Variants in KALRN observed in about 807,000 individuals in gnomAD.
KALRN encodes the protein kalirin RhoGEF kinase, also known as kalirin.
A neutral mutation model predicts 353.7 loss-of-function variants in KALRN; 70 were observed. That is an observed-to-expected ratio of 0.20 (90% CI 0.16 to 0.24). The LOEUF (loss-of-function observed/expected upper bound fraction) is 0.24, where lower values mean the gene tolerates loss of function less well. KALRN is among the 10% of genes least tolerant of loss of function. KALRN has a pLI of 1.00. For synonymous variants in KALRN, 1,391 were observed against 1,434.8 expected (o/e 0.97, Z 0.69); for missense variants, 2,791 against 3,756.7 (o/e 0.74, Z 6.72).
intron 49 of KALRN, among the ~76,000 whole-genome samples, chr3:124,676,328 A>T (rs551494382): frequency 2.0e-5 from 3 of 152,236 alleles, no homozygotes; most frequent in African/African-American, 7.2e-5. Context: ...GTGGACTGAA[A>T]AAGGTTGTCA....
At chr3:124,110,935 T>A (rs112705964) in intron 1 of KALRN, among the ~76,000 whole-genome samples, 3 of 152,216 alleles carry the variant, frequency 2.0e-5, no homozygotes, top group Non-Finnish European at 2.9e-5. Context: ...TTAGTTTTGC[T>A]ACTAAACTAA....
At chr3:124,569,924 A>G (rs1449026507) in intron 34 of KALRN, among the ~76,000 whole-genome samples, 2 of 152,224 alleles carry the variant, frequency 1.3e-5, no homozygotes, top group African/African-American at 2.4e-5. Flanking sequence ...AATGACTCCA[A>G]GGAGCACTCT....
chr3:124,496,466 A>C, intron 33 of KALRN, 53 bp downstream of exon 33: 1 of 1,290,240 alleles, frequency 7.8e-7, no homozygotes, highest in Non-Finnish European at 1.1e-6. Flanking sequence ...TGGCTCAACC[A>C]CCCCTGGAGA....
intron 1 of KALRN, among the ~76,000 whole-genome samples, chr3:124,061,672 AATCCCC>A (rs1353312417): frequency 6.6e-6 from 1 of 152,218 alleles, no homozygotes; most frequent in African/African-American, 2.4e-5. Flanking sequence ...CATCATTTTA[AATCCCC>A]AATTTTCATC....
chr3:124,678,579 T>C, intron 50 of KALRN: 1 of 238,152 alleles, frequency 4.2e-6, no homozygotes, highest in East Asian at 8.9e-5. Context: ...AGCAAAATTA[T>C]CTGCAGCATT....
At chr3:124,111,692 G>A (rs577741297) in intron 1 of KALRN, among the ~76,000 whole-genome samples, 3 of 152,234 alleles carry the variant, frequency 2.0e-5, no homozygotes, top group Admixed American at 6.5e-5. Context: ...ATACAGAAAG[G>A]ATTCATAAAT....
intron 57 of KALRN, among the ~76,000 whole-genome samples, chr3:124,702,707 A>C (rs1371768392): frequency 2.0e-5 from 3 of 152,076 alleles, no homozygotes; most frequent in African/African-American, 7.2e-5. Context: ...ATACATCTCT[A>C]TATTGCCCGT....
chr3:124,692,273 G>A (rs2061853550), intron 51 of KALRN, among the ~76,000 whole-genome samples: 1 of 152,244 alleles, frequency 6.6e-6, no homozygotes, highest in African/African-American at 2.4e-5. Context: ...GCATTGCAAT[G>A]GCCAGAGTTG....
At chr3:124,152,344 A>T in intron 1 of KALRN, 1 of 1,226,122 alleles carries the variant, frequency 8.2e-7, no homozygotes, top group South Asian at 1.2e-5. Context: ...TCCATTGAAG[A>T]TTTGACGAAG....
intron 37 of KALRN, among the ~76,000 whole-genome samples, chr3:124,642,806 G>GTTTTTTTTTTTTT (rs71145471): frequency 1.0e-5 from 1 of 96,836 alleles, no homozygotes. Flanking sequence ...CCCAAGCCTC[G>GTTTTTTTTTTTTT]TTTTTTTTTT....
chr3:124,448,276 C>T (rs758211266), intron 21 of KALRN, among the ~76,000 whole-genome samples: 2 of 152,056 alleles, frequency 1.3e-5, no homozygotes, highest in East Asian at 1.9e-4. Context: ...AATTTGATTG[C>T]ATGCCTTTGG....
intron 27 of KALRN, among the ~76,000 whole-genome samples, chr3:124,480,325 T>C (rs2061858772): frequency 6.6e-6 from 1 of 152,168 alleles, no homozygotes; most frequent in South Asian, 2.1e-4. Flanking sequence ...ATTGCTACTT[T>C]CTGGGATAGA....
intron 1 of KALRN, among the ~76,000 whole-genome samples, chr3:124,051,341 G>A (rs762245817): frequency 6.6e-6 from 1 of 152,216 alleles, no homozygotes; most frequent in African/African-American, 2.4e-5. Context: ...TAATGGTTGA[G>A]CTAGGGGCCT....
At chr3:124,159,297 G>T (rs1381491708) in intron 1 of KALRN, among the ~76,000 whole-genome samples, 2 of 152,092 alleles carry the variant, frequency 1.3e-5, no homozygotes, top group East Asian at 3.9e-4. Flanking sequence ...TTGAGACAGG[G>T]TCTTAGTTTG....
intron 14 of KALRN, among the ~76,000 whole-genome samples, chr3:124,418,736 C>G (rs1233388398): frequency 6.6e-6 from 1 of 152,164 alleles, no homozygotes; most frequent in Non-Finnish European, 1.5e-5. Context: ...GCTTTTAGCC[C>G]TAAAGAAACA....
chr3:124,713,073 C>G lies in KALRN; in HGVS notation c.8214C>G (p.Pro2738=), dbSNP rs2062968363. Residue 2738 remains proline, a synonymous_variant, in exon 58 of 60, where the codon CCC becomes CCG. Transcript: ENST00000682506. Reference sequence around the variant, plus strand: ...CCCTGCTTCAGCACCTACAGCACCCCCAGTACATCACTCTCCATGACACCT... The same window carrying G: ...CCCTGCTTCAGCACCTACAGCACCCGCAGTACATCACTCTCCATGACACCT... ...EAALLQHLQH[P]QYITLHDTYE... The G allele has an allele frequency of 6.2e-7, 1 of 1,614,138 alleles. No homozygotes were observed. The highest frequency in any genetic ancestry group is 1.1e-5 in the South Asian group (1 of 91,084).
chr3:124,331,254 A>G (rs931063087), intron 8 of KALRN, among the ~76,000 whole-genome samples: 6 of 152,226 alleles, frequency 3.9e-5, no homozygotes, highest in Non-Finnish European at 8.8e-5. Flanking sequence ...GTATAAATAC[A>G]CCATGGAATA....
intron 33 of KALRN, among the ~76,000 whole-genome samples, chr3:124,538,647 T>C (rs2068741335): frequency 6.6e-6 from 1 of 152,082 alleles, no homozygotes; most frequent in Admixed American, 6.6e-5. Context: ...TAAAGATGAA[T>C]GTGGAGATTT....
At chr3:124,200,188 A>T (rs1486552683) in intron 1 of KALRN, among the ~76,000 whole-genome samples, 1 of 152,206 alleles carries the variant, frequency 6.6e-6, no homozygotes, top group Non-Finnish European at 1.5e-5. Context: ...TGGTGCTACC[A>T]CTAGTAAGCC....
Sources: allele counts gnomAD v4.1 joint callset (sites outside exome capture counted in the v4.1 genomes callset), GRCh38; gene constraint gnomAD v4.1.1; transcripts MANE v1.5; gene names NCBI Gene and HGNC (gene_info 2026-07-23, HGNC 2026-07-21).